Variants in SLC44A2 observed in about 807,000 individuals in gnomAD.
SLC44A2 encodes solute carrier family 44 member 2 (CTL2 blood group).
A neutral mutation model predicts 90.8 loss-of-function variants in SLC44A2; 57 were observed. The ratio of observed to expected loss-of-function variants is 0.63; its 90% CI spans 0.51 to 0.78. The LOEUF is 0.78. SLC44A2 is among the 30% of genes least tolerant of loss of function. The pLI, the probability that SLC44A2 is intolerant of heterozygous loss-of-function variation, is 0.00. For missense variants in SLC44A2, 794 were observed against 919.7 expected (o/e 0.86, Z 1.77); for synonymous variants, 355 against 360.7 (o/e 0.98, Z 0.18).
intron 1 of SLC44A2, among the ~76,000 whole-genome samples, chr19:10,605,239 G>A (rs1918068199): frequency 6.6e-6 from 1 of 152,050 alleles, no homozygotes; most frequent in Non-Finnish European, 1.5e-5. Flanking sequence ...AAAAATGCCA[G>A]CCACAGTGGT....
At chr19:10,616,899 C>A in intron 1 of SLC44A2, among the ~76,000 whole-genome samples, 1 of 152,042 alleles carries the variant, frequency 6.6e-6, no homozygotes, top group East Asian at 1.9e-4. Flanking sequence ...CGGACCACCA[C>A]GCCCAGCTTG....
Position 10,637,695 on chromosome 19 carries a change from T to C in SLC44A2, c.1643T>C (p.Phe548Ser), listed in dbSNP as rs1298167353. The C allele has an allele frequency of 1.2e-6, 2 of 1,614,082 alleles. No homozygotes were observed. The highest frequency in any genetic ancestry group is 8.5e-7 in the Non-Finnish European group (1 of 1,180,008). ...CTCATGACCTGTCTCAAATGCTGCT[T>C]CTGGTGCCTGGAGAAGTTCATCAAA... ...KCLMTCLKCC[F>S]WCLEKFIKFL... Residue 548 changes from phenylalanine to serine, a missense_variant, in exon 17 of 22, where the codon TTC becomes TCC. Transcript: ENST00000335757.
chr19:10,608,483 A>G (rs1918181537), intron 1 of SLC44A2, among the ~76,000 whole-genome samples: 1 of 152,072 alleles, frequency 6.6e-6, no homozygotes, highest in Non-Finnish European at 1.5e-5. Flanking sequence ...ACATACATAA[A>G]AGGGCATAGA....
chr19:10,636,624 G>A lies in SLC44A2; in HGVS notation c.1497-38G>A, dbSNP rs376488913. ...GCAGGCAGGATGGGGTGGAGGACGAGGCCTGGCCCAGCCACCGACCACTCC... is the reference window on the plus strand; with the variant it reads ...GCAGGCAGGATGGGGTGGAGGACGAAGCCTGGCCCAGCCACCGACCACTCC... On this transcript the variant is annotated intron_variant, in intron 15 of 21. Transcript: ENST00000335757. 3.0e-5 allele frequency: 48 copies of A among 1,608,340 alleles called. No homozygotes were observed. In the East Asian group the frequency reaches 3.3e-4, roughly 11 times the overall value.
At chr19:10,616,480 T>G (rs1414948359) in intron 1 of SLC44A2, among the ~76,000 whole-genome samples, 2 of 152,106 alleles carry the variant, frequency 1.3e-5, no homozygotes, top group African/African-American at 4.8e-5. Flanking sequence ...CTTGATCTCC[T>G]GGACTCAAGT....
At chr19:10,621,422 G>GTTTTGT (rs1555758120), upstream of SLC44A2, among the ~76,000 whole-genome samples, 3 of 89,440 alleles carry the variant, frequency 3.4e-5, no homozygotes, top group African/African-American at 4.5e-5. Context: ...ATGGTTGGGT[G>GTTTTGT]TTTTTTTTTT....
Position 10,643,296 on chromosome 19 carries a change from A to G in SLC44A2, c.2032A>G (p.Asn678Asp). The change falls in exon 22 of 22, where the codon AAT (asparagine) becomes GAT (aspartate). Residue 678 changes from asparagine (N) to aspartate (D), a missense_variant. By Grantham distance (23) the Asn-to-Asp change is conservative. Coordinates refer to ENST00000335757, the MANE Select transcript of SLC44A2 (RefSeq NM_020428.4). ...FLCFLEDLER[N>D]DGSAERPYFM... Reference sequence around the variant, plus strand: ...CTCCACAGTGGAGGACCTGGAGAGGAATGACGGCTCGGCCGAGAGGCCTTA... The same window carrying G: ...CTCCACAGTGGAGGACCTGGAGAGGGATGACGGCTCGGCCGAGAGGCCTTA... 3.7e-6 allele frequency: 6 copies of G among 1,612,058 alleles called. No individual in the cohort carries two copies. The highest frequency in any genetic ancestry group is 2.5e-6 in the Non-Finnish European group (3 of 1,178,954).
chr19:10,630,560 C>T (rs1373783229), intron 4 of SLC44A2, among the ~76,000 whole-genome samples: 1 of 150,662 alleles, frequency 6.6e-6, no homozygotes, highest in East Asian at 1.9e-4. Context: ...ACTCGGGAGG[C>T]TGAGGCAGGA....
Position 10,635,502 on chromosome 19 carries a change from C to A in SLC44A2, c.1220C>A (p.Thr407Asn). Reference sequence around the variant, plus strand: ...AGCCCCTGCCCATTTACTGCGAAAACCTGCAACCCAGAGGTGGGCGTCCCC... The same window carrying A: ...AGCCCCTGCCCATTTACTGCGAAAAACTGCAACCCAGAGGTGGGCGTCCCC... The part of the protein sequence containing the change: ...DDSPCPFTAK[T>N]CNPETFPSSN... The change falls in exon 14 of 22, where the codon ACC becomes AAC. Residue 407 changes from threonine to asparagine, a missense_variant. Transcript: ENST00000335757. The A allele has an allele frequency of 6.2e-7, 1 of 1,613,892 alleles. No individual in the cohort carries two copies. Among genetic ancestry groups the A allele is most frequent in the Non-Finnish European group, 8.5e-7 (1 of 1,179,962 alleles).
chr19:10,626,351 C>G, intron 2 of SLC44A2, 50 bp downstream of exon 2: 1 of 1,344,972 alleles, frequency 7.4e-7, no homozygotes, highest in South Asian at 1.2e-5. Context: ...CTACCCCAAT[C>G]CCTGTCTCTT....
chr19:10,637,876 T>A lies in SLC44A2; in HGVS notation c.1716T>A (p.Asn572Lys). The change falls in exon 18 of 22, where the codon AAT (asparagine) becomes AAA (lysine). Residue 572 changes from asparagine (N) to lysine (K), a missense_variant. Asn to Lys is a moderately conservative substitution (Grantham distance 94). Around this residue, in one of 3 missense-constraint regions of SLC44A2, gnomAD observed 738 missense variants for 841.1 expected, o/e 0.88. Coordinates refer to ENST00000335757, the MANE Select transcript of SLC44A2 (RefSeq NM_020428.4). ...AYIMIAIYGT[N>K]FCTSARNAFF... ...TCCAGATTGCCATCTACGGCACCAA[T>A]TTCTGCACCTCGGCCAGGAATGCCT... 1.2e-6 allele frequency: 2 copies of A among 1,614,116 alleles called. No individual in the cohort carries two copies. The highest frequency in any genetic ancestry group is 1.7e-5 in the Admixed American group (1 of 59,994).
At position 10,632,067 on chromosome 19, in the gene SLC44A2, T is replaced by C. The variant is rs2067002499; in HGVS notation, c.734T>C (p.Met245Thr). ...IIIGLVIAMAMSLLFIILLRF... is the reference protein window; with the variant it reads ...IIIGLVIAMATSLLFIILLRF... ...AGAGGCCTGGTCATTGCCATGGCGA[T>C]GAGCCTCCTGTTCATCATCCTGCTT... Residue 245 changes from methionine to threonine, a missense_variant, in exon 10 of 22, where the codon ATG becomes ACG. Physicochemically the swap from Met to Thr is moderately conservative, Grantham distance 81 (BLOSUM62 -1). This residue lies in a region of SLC44A2 where 738 missense variants were observed against 841.1 expected (regional missense o/e 0.88). Coordinates refer to ENST00000335757, the MANE Select transcript of SLC44A2 (RefSeq NM_020428.4). 1 of 1,614,116 alleles carries C rather than the reference T, an allele frequency of 6.2e-7. No individual in the cohort carries two copies. The highest frequency in any genetic ancestry group is 8.5e-7 in the Non-Finnish European group (1 of 1,179,978).
intron 21 of SLC44A2, chr19:10,643,062 G>T: frequency 6.8e-7 from 1 of 1,480,754 alleles, no homozygotes; most frequent in South Asian, 1.4e-5. Flanking sequence ...CCTCCATGTA[G>T]ACTGGGGGTG....
rs2067146165 is a variant in SLC44A2 at position 10,644,228 on chromosome 19, T to C, written c.*843T>C. 1 of 152,580 alleles carries C rather than the reference T, an allele frequency of 6.6e-6. No homozygotes were observed. Among genetic ancestry groups the C allele is most frequent in the Non-Finnish European group, 1.5e-5 (1 of 68,054 alleles). The allele number at this position is 152,580 out of a possible 1,614,324, so 9.5% of individuals were successfully genotyped here. A position where few individuals can be genotyped will look rare whatever the true frequency, so the allele number is the denominator to read the frequency against. On this transcript the variant is annotated 3_prime_UTR_variant, in exon 22 of 22. Coordinates refer to ENST00000335757, the MANE Select transcript of SLC44A2 (RefSeq NM_020428.4). Reference sequence around the variant, plus strand: ...GAAACTAAACCCACCCAAGGGATGATGTCAGGGGGAGAGGTGGAGGGCAGA... The same window carrying C: ...GAAACTAAACCCACCCAAGGGATGACGTCAGGGGGAGAGGTGGAGGGCAGA...
chr19:10,635,110 G>A (rs747781740), intron 12 of SLC44A2, 37 bp downstream of exon 12: 1 of 1,613,622 alleles, frequency 6.2e-7, no homozygotes, highest in East Asian at 2.2e-5. Flanking sequence ...GGATGGAGCT[G>A]TCCCTAGAGT....
At chr19:10,618,981 T>TTTG (rs1491552904) in intron 1 of SLC44A2, among the ~76,000 whole-genome samples, 9 of 89,476 alleles carry the variant, frequency 1.0e-4, no homozygotes, top group East Asian at 2.2e-4. Flanking sequence ...TTTTTTTTTT[T>TTTG]GGATACAGGG....
chr19:10,609,003 G>A (rs1349359682), intron 1 of SLC44A2, among the ~76,000 whole-genome samples: 1 of 147,302 alleles, frequency 6.8e-6, no homozygotes, highest in Non-Finnish European at 1.5e-5. Context: ...TGTTGCCCAG[G>A]CTGGAGAGCA....
intron 1 of SLC44A2, among the ~76,000 whole-genome samples, chr19:10,606,906 C>T (rs1918120720): frequency 1.3e-5 from 2 of 149,016 alleles, no homozygotes; most frequent in East Asian, 1.9e-4. Context: ...TAGTTACTTA[C>T]GGCTATTTTT....
chr19:10,627,028 A>C (rs1211140681), intron 2 of SLC44A2, among the ~76,000 whole-genome samples: 3 of 151,824 alleles, frequency 2.0e-5, no homozygotes, highest in Non-Finnish European at 4.4e-5. Context: ...AATAACAAAA[A>C]AATAAAATAC....
Sources: allele counts gnomAD v4.1 joint callset (sites outside exome capture counted in the v4.1 genomes callset), GRCh38; gene constraint gnomAD v4.1.1; regional missense constraint gnomAD v4.1.1; transcripts MANE v1.5; gene names NCBI Gene and HGNC (gene_info 2026-07-23, HGNC 2026-07-21).